Variants in CAMKMT observed in about 807,000 individuals in gnomAD.
CAMKMT encodes calmodulin-lysine N-methyltransferase.
Under a neutral mutation model 48.0 loss-of-function variants are expected in CAMKMT, and 53 were observed. That is an observed-to-expected ratio of 1.10 (90% CI 0.89 to 1.39). CAMKMT has a LOEUF of 1.39. CAMKMT is among the 40% of genes most tolerant of loss of function. The pLI is 0.00. For missense variants in CAMKMT, 428 were observed against 402.7 expected, an observed-to-expected ratio of 1.06 and a Z score of -0.54; for synonymous variants, 165 against 152.3, an observed-to-expected ratio of 1.08 and a Z score of -0.61.
intron 3 of CAMKMT, among the ~76,000 whole-genome samples, chr2:44,408,797 A>G (rs1682962237): frequency 6.6e-6 from 1 of 151,966 alleles, no homozygotes; most frequent in Non-Finnish European, 1.5e-5. Context: ...GCCAGAGTAT[A>G]GTGGCATGAT....
At chr2:44,417,759 G>C (rs1156625197) in intron 3 of CAMKMT, among the ~76,000 whole-genome samples, 1 of 152,188 alleles carries the variant, frequency 6.6e-6, no homozygotes, top group African/African-American at 2.4e-5. Context: ...TAGGTGTGTA[G>C]TGTATCTCAT....
chr2:44,685,996 A>G (rs563170565), intron 3 of CAMKMT, among the ~76,000 whole-genome samples: 1 of 152,270 alleles, frequency 6.6e-6, no homozygotes, highest in African/African-American at 2.4e-5. Context: ...AAATTAAGGG[A>G]AGGCAATATA....
chr2:44,758,010 C>G (rs1156253890), intron 9 of CAMKMT, among the ~76,000 whole-genome samples: 1 of 152,210 alleles, frequency 6.6e-6, no homozygotes, highest in African/African-American at 2.4e-5. Flanking sequence ...TCCTGAACAC[C>G]TGTAGCAGGC....
chr2:44,619,117 G>C (rs1040697930), intron 3 of CAMKMT, among the ~76,000 whole-genome samples: 1 of 152,122 alleles, frequency 6.6e-6, no homozygotes, highest in Non-Finnish European at 1.5e-5. Context: ...ACTAATACAC[G>C]TAAGATTGTC....
Position 44,375,630 on chromosome 2 carries a change from G to A in CAMKMT, c.311+2742G>A, listed in dbSNP as rs376787487. Among the ~76,000 whole-genome samples the A allele has an allele frequency of 6.6e-5, 10 of 152,194 alleles. No homozygotes were observed. In the East Asian group the frequency reaches 1.7e-3, roughly 26 times the overall value. The stretch of plus-strand genomic sequence containing the variant: ...AGTACTTGAAAGTTCTGGGAGAAGG[G>A]GATGCCCAGATGATGGCAAAGATAC... On this transcript the variant is annotated intron_variant, in intron 2 of 10. Transcript: ENST00000378494.
chr2:44,564,176 C>CT (rs10599009), intron 3 of CAMKMT, among the ~76,000 whole-genome samples: 4,489 of 137,072 alleles, frequency 0.033, 226 homozygotes, highest in African/African-American at 0.11. Context: ...TTGATCAGAA[C>CT]TTTTTTTTTT....
intron 3 of CAMKMT, among the ~76,000 whole-genome samples, chr2:44,458,876 CTG>C (rs1456432947): frequency 6.6e-6 from 1 of 152,104 alleles, no homozygotes; most frequent in Non-Finnish European, 1.5e-5. Context: ...CCATACGTAA[CTG>C]TGTACATAAA....
At chr2:44,664,193 A>C (rs1422024886) in intron 3 of CAMKMT, among the ~76,000 whole-genome samples, 8 of 152,246 alleles carry the variant, frequency 5.3e-5, no homozygotes, top group Admixed American at 5.2e-4. Flanking sequence ...GTTTGAATAT[A>C]CATTTAGTTG....
At chr2:44,607,907 CCCAATATACCCATTAG>C (rs1049074397) in intron 3 of CAMKMT, among the ~76,000 whole-genome samples, 5 of 151,844 alleles carry the variant, frequency 3.3e-5, no homozygotes, top group African/African-American at 1.2e-4. Context: ...ATACCCATTA[CCCAATATACCCATTAG>C]CATGACTGAT....
intron 3 of CAMKMT, among the ~76,000 whole-genome samples, chr2:44,608,208 G>A (rs1049233239): frequency 4.0e-5 from 6 of 151,470 alleles, no homozygotes; most frequent in African/African-American, 1.5e-4. Flanking sequence ...AAGTAGCTGG[G>A]ACTACAGGCA....
At chr2:44,522,889 C>T (rs1322753438) in intron 3 of CAMKMT, among the ~76,000 whole-genome samples, 2 of 152,184 alleles carry the variant, frequency 1.3e-5, no homozygotes, top group African/African-American at 4.8e-5. Flanking sequence ...GTTCCACCTG[C>T]AGAATTCCTT....
At chr2:44,488,843 T>TTGTGTGTGTG (rs142299931) in intron 3 of CAMKMT, among the ~76,000 whole-genome samples, 2,463 of 141,994 alleles carry the variant, frequency 0.017, 32 homozygotes, top group East Asian at 0.045. Context: ...CTTAGGGTAT[T>TTGTGTGTGTG]TGTGTGTGTG....
chr2:44,406,651 C>T (rs914336305), intron 3 of CAMKMT, among the ~76,000 whole-genome samples: 1 of 152,162 alleles, frequency 6.6e-6, no homozygotes, highest in Non-Finnish European at 1.5e-5. Flanking sequence ...GGCTGGAATG[C>T]AGTGGCACCA....
At chr2:44,384,500 CTTTTT>C (rs141017634) in intron 2 of CAMKMT, among the ~76,000 whole-genome samples, 10,720 of 95,936 alleles carry the variant, frequency 0.11, 1,268 homozygotes, top group African/African-American at 0.34. Flanking sequence ...AGCTATTTAT[CTTTTT>C]TTTTTTTTTT....
intron 3 of CAMKMT, among the ~76,000 whole-genome samples, chr2:44,503,964 G>A (rs901906827): frequency 1.1e-4 from 16 of 145,800 alleles, no homozygotes; most frequent in South Asian, 2.3e-4. Context: ...GAGGAAAAGA[G>A]AGAGGGGAAG....
At chr2:44,656,954 T>C (rs1674413473) in intron 3 of CAMKMT, among the ~76,000 whole-genome samples, 1 of 152,212 alleles carries the variant, frequency 6.6e-6, no homozygotes, top group Admixed American at 6.5e-5. Context: ...GGGCCACAAG[T>C]GCTCTCAAGA....
intron 10 of CAMKMT, 49 bp downstream of exon 10, chr2:44,766,610 TGAAGAGATCATG>T: frequency 6.2e-7 from 1 of 1,601,724 alleles, no homozygotes; most frequent in Non-Finnish European, 8.5e-7. Context: ...CATTGCATTT[TGAAGAGATCATG>T]GTCTTTTTGG....
intron 3 of CAMKMT, among the ~76,000 whole-genome samples, chr2:44,609,378 T>C (rs985870799): frequency 6.6e-6 from 1 of 152,360 alleles, no homozygotes; most frequent in Admixed American, 6.5e-5. Context: ...ATGATAACCA[T>C]GTGAGGTAAT....
intron 3 of CAMKMT, among the ~76,000 whole-genome samples, chr2:44,492,563 C>A (rs1669560283): frequency 6.6e-6 from 1 of 152,172 alleles, no homozygotes; most frequent in African/African-American, 2.4e-5. Context: ...CCCAACTTAA[C>A]TAATAGGGCA....
Sources: gnomAD v4.1 joint callset for allele counts (sites outside exome capture counted in the v4.1 genomes callset) on GRCh38, gnomAD v4.1.1 for gene constraint, MANE v1.5 for transcripts, NCBI Gene and HGNC (gene_info 2026-07-23, HGNC 2026-07-21) for gene names.